The following STYXL2 variants were observed in gnomAD, a reference collection of about 807,000 sequenced individuals.
The protein encoded by STYXL2 is serine/threonine/tyrosine-interacting-like protein 2.
Under a neutral mutation model 52.4 loss-of-function variants are expected in STYXL2, and 44 were observed. The ratio of observed to expected loss-of-function variants is 0.84; its 90% CI spans 0.66 to 1.08. The LOEUF (loss-of-function observed/expected upper bound fraction) is 1.08, where lower values mean the gene tolerates loss of function less well. Among genes scored for constraint, STYXL2 ranks in the 50% least tolerant of loss-of-function variants. The pLI is 0.00. For synonymous variants in STYXL2, 604 were observed against 586.9 expected (o/e 1.03, Z -0.42); for missense variants, 1,604 against 1,471.7 (o/e 1.09, Z -1.47).
rs199963325 is a variant in STYXL2, at chr1:167,126,092, G to T, written c.961G>T (p.Ala321Ser). The change falls in exon 6 of 6, where the codon GCC becomes TCC. Residue 321 changes from alanine (A) to serine (S), a missense_variant. Coordinates refer to ENST00000361200, the MANE Select transcript of STYXL2 (RefSeq NM_001080426.3). ...ALTVEEEDDS[A>S]SHLSGSSLGK... ...GACGGTGGAAGAGGAGGACGACAGC[G>T]CCAGCCACCTGAGTGGCTCCTCCCT... is the stretch of plus-strand genomic sequence containing the variant. 6.6e-7 allele frequency: 1 copy of T among 1,525,820 alleles called. No individual in the cohort carries two copies. The highest frequency in any genetic ancestry group is 8.8e-7 in the Non-Finnish European group (1 of 1,138,570). The allele number at this position is 1,525,820 out of a possible 1,614,324, so 94.5% of individuals were successfully genotyped here.
chr1:167,121,299 C>T (rs1035973158), intron 5 of STYXL2, among the ~76,000 whole-genome samples: 2 of 152,200 alleles, frequency 1.3e-5, no homozygotes, highest in African/African-American at 2.4e-5. Flanking sequence ...AATAAGCCAC[C>T]GCGACCGGCC....
chr1:167,127,301 C>T lies in STYXL2; in HGVS notation c.2170C>T (p.Gln724Ter). 1.2e-6 allele frequency: 2 copies of T among 1,614,188 alleles called. No individual in the cohort carries two copies. Among genetic ancestry groups the T allele is most frequent in the Non-Finnish European group, 1.7e-6 (2 of 1,180,038 alleles). The change falls in exon 6 of 6, where the codon CAG (glutamine) becomes TAG (stop). Residue 724 changes from glutamine (Q) to a stop codon, truncating the protein, a stop_gained. Coordinates refer to ENST00000361200, the MANE Select transcript of STYXL2 (RefSeq NM_001080426.3). LOFTEE classifies it low-confidence loss of function (END_TRUNC). ...PGDTISIASI[Q>*]NWIANVVSET... ...AGACACCATTTCCATTGCCAGTATC[C>T]AGAACTGGATTGCCAATGTAGTCAG...
At chr1:167,124,766 T>C (rs1242365554) in intron 5 of STYXL2, among the ~76,000 whole-genome samples, 1 of 152,230 alleles carries the variant, frequency 6.6e-6, no homozygotes, top group East Asian at 1.9e-4. Flanking sequence ...CAGGTTTCAG[T>C]TGACGGATGT....
chr1:167,125,640 G>T, intron 5 of STYXL2, 147 bp from the exon 6 acceptor site: 3 of 1,242,794 alleles, frequency 2.4e-6, no homozygotes, highest in Non-Finnish European at 3.2e-6. Context: ...GCCCTCCTGT[G>T]TCTTGAGCCC....
At position 167,126,046 on chromosome 1, in the gene STYXL2, C is replaced by T. The variant is rs775650977; in HGVS notation, c.915C>T (p.Leu305=). The change falls in exon 6 of 6, where the codon CTC becomes CTT. Residue 305 remains leucine, a synonymous_variant. Transcript: ENST00000361200. The stretch of plus-strand genomic sequence containing the variant: ...AGGGCGAGGGCACTGGGAGCATGCT[C>T]GGGGCCAGAGTGCACGCCCTGACGG... ...AEEGEGTGSM[L]GARVHALTVE... 4 of 1,582,692 alleles carry T rather than the reference C, an allele frequency of 2.5e-6. No homozygotes were observed. Among genetic ancestry groups the T allele is most frequent in the African/African-American group, 1.4e-5 (1 of 74,030 alleles).
At chr1:167,119,884 C>T (rs1667814308) in intron 5 of STYXL2, among the ~76,000 whole-genome samples, 2 of 152,146 alleles carry the variant, frequency 1.3e-5, no homozygotes, top group South Asian at 4.1e-4. Flanking sequence ...AGCCAAGTGA[C>T]AAAGGGCTAG....
At position 167,116,652 on chromosome 1, in the gene STYXL2, T is replaced by G. The variant is rs1185606526; in HGVS notation, c.206-676T>G. On this transcript the variant is annotated intron_variant, in intron 3 of 5. Coordinates refer to ENST00000361200, the MANE Select transcript of STYXL2 (RefSeq NM_001080426.3). Reference sequence around the variant, plus strand: ...AATACTTCTACTTTTTTTTTTTTGGTTTTTTTTTTTTTTTTTGAGACAGAG... The same window carrying G: ...AATACTTCTACTTTTTTTTTTTTGGGTTTTTTTTTTTTTTTTGAGACAGAG... Among the ~76,000 whole-genome samples, 32 of 29,412 alleles carry G rather than the reference T, an allele frequency of 1.1e-3. No homozygotes were observed. In the African/African-American group the frequency reaches 0.012, roughly 11 times the overall value. The allele number at this position is 29,412 out of a possible 152,430, so 19.3% of individuals were successfully genotyped here. A position where few individuals can be genotyped will look rare whatever the true frequency, so the allele number is the denominator to read the frequency against.
In STYXL2 at chr1:167,126,512, G is replaced by T. The variant is rs761906549; in HGVS notation, c.1381G>T (p.Asp461Tyr). The change falls in exon 6 of 6, where the codon GAC becomes TAC. Residue 461 changes from aspartate to tyrosine, a missense_variant. Coordinates refer to ENST00000361200, the MANE Select transcript of STYXL2 (RefSeq NM_001080426.3). Reference protein sequence around the residue: ...LKQQLELNRPDHGRRRRADSM... With the variant: ...LKQQLELNRPYHGRRRRADSM... The stretch of plus-strand genomic sequence containing the variant: ...GCAGCAGCTGGAGCTGAACCGCCCG[G>T]ACCACGGCAGGAGGCGCCGCGCAGA... 31 of 1,612,514 alleles carry T rather than the reference G, an allele frequency of 1.9e-5. No individual in the cohort carries two copies. Among genetic ancestry groups the T allele is most frequent in the Non-Finnish European group, 2.2e-5 (26 of 1,179,510 alleles).
intron 2 of STYXL2, among the ~76,000 whole-genome samples, chr1:167,095,415 T>G (rs1417654059): frequency 1.3e-5 from 2 of 151,868 alleles, no homozygotes; most frequent in African/African-American, 4.8e-5. Context: ...TAAAATAATT[T>G]TTTATCCATA....
intron 2 of STYXL2, among the ~76,000 whole-genome samples, chr1:167,103,847 C>T (rs143684532): frequency 1.3e-5 from 2 of 152,284 alleles, no homozygotes; most frequent in East Asian, 1.9e-4. Flanking sequence ...CACAGCCGGG[C>T]GCGGTGGCTC....
At position 167,126,975 on chromosome 1, in the gene STYXL2, A is replaced by G. The variant is rs1333562761; in HGVS notation, c.1844A>G (p.Glu615Gly). ...GAGGTGGTGGAGCTCAGCAAGGGGG[A>G]GGACTCGGCCTTGGCTAAGAAGAGA... ...KEEVVELSKG[E>G]DSALAKKRQR... The change falls in exon 6 of 6, where the codon GAG (glutamate) becomes GGG (glycine). Residue 615 changes from glutamate (E) to glycine (G), a missense_variant. Physicochemically the swap from Glu to Gly is moderately conservative, Grantham distance 98. Transcript: ENST00000361200. 8.7e-6 allele frequency: 14 copies of G among 1,609,374 alleles called. No homozygotes were observed. The highest frequency in any genetic ancestry group is 1.2e-5 in the Non-Finnish European group (14 of 1,177,646).
At position 167,127,515 on chromosome 1, in the gene STYXL2, T is replaced by C. The variant is rs145656152; in HGVS notation, c.2384T>C (p.Met795Thr). The change falls in exon 6 of 6, where the codon ATG becomes ACG. Residue 795 changes from methionine (M) to threonine (T), a missense_variant. By Grantham distance (81) the Met-to-Thr change is moderately conservative. Transcript: ENST00000361200. ...PQSQARPSSDMQSVLSCNTTL... is the reference protein window; with the variant it reads ...PQSQARPSSDTQSVLSCNTTL... The stretch of plus-strand genomic sequence containing the variant: ...AGCCAGGCAAGACCCAGCTCTGACA[T>C]GCAGTCTGTGCTGTCCTGCAACACC... 495 of 1,614,084 alleles carry C rather than the reference T, an allele frequency of 3.1e-4. No individual in the cohort carries two copies. The highest frequency in any genetic ancestry group is 3.8e-4 in the Non-Finnish European group (449 of 1,180,002).
rs900072797 is a variant in STYXL2, at chr1:167,128,995, T to G, written c.*387T>G. ...AAAGGCCATGAACATAGGACACGCT[T>G]CTGTCTGTAGAGGCTTCATATGAGA... On this transcript the variant is annotated 3_prime_UTR_variant, in exon 6 of 6. Coordinates refer to ENST00000361200, the MANE Select transcript of STYXL2 (RefSeq NM_001080426.3). The G allele has an allele frequency of 1.1e-5, 2 of 183,058 alleles. No individual in the cohort carries two copies. Among genetic ancestry groups the G allele is most frequent in the Non-Finnish European group, 2.3e-5 (2 of 86,912 alleles). The allele number at this position is 183,058 out of a possible 1,614,324, so 11.3% of individuals were successfully genotyped here.
chr1:167,121,017 C>CCT (rs1553248600), intron 5 of STYXL2, among the ~76,000 whole-genome samples: 1 of 141,078 alleles, frequency 7.1e-6, no homozygotes, highest in Non-Finnish European at 1.5e-5. Context: ...TTAAAAACTC[C>CCT]TTTTTTTTTT....
At position 167,126,379 on chromosome 1, in the gene STYXL2, G is replaced by A. The variant is rs1196552495; in HGVS notation, c.1248G>A (p.Glu416=). 1 of 1,550,866 alleles carries A rather than the reference G, an allele frequency of 6.4e-7. No homozygotes were observed. Among genetic ancestry groups the A allele is most frequent in the Non-Finnish European group, 8.7e-7 (1 of 1,147,052 alleles). Residue 416 remains glutamate, a synonymous_variant, in exon 6 of 6, where the codon GAG becomes GAA. Coordinates refer to ENST00000361200, the MANE Select transcript of STYXL2 (RefSeq NM_001080426.3). ...ACCGGAGGTGGGGAAGGGAGGAGGA[G>A]AAGGAGGAGGAGAGCGACGCTGGCT... is the stretch of plus-strand genomic sequence containing the variant. ...EGYRRWGREE[E]KEEESDAGSS... is the part of the protein sequence containing the mutation.
At chr1:167,111,369 C>T (rs954609850) in intron 2 of STYXL2, among the ~76,000 whole-genome samples, 29 of 151,076 alleles carry the variant, frequency 1.9e-4, no homozygotes, top group African/African-American at 5.1e-4. Context: ...GTGAAAAATA[C>T]TTGCACGCAT....
intron 2 of STYXL2, among the ~76,000 whole-genome samples, chr1:167,100,857 G>C (rs1320468726): frequency 6.6e-6 from 1 of 152,144 alleles, no homozygotes; most frequent in Admixed American, 6.5e-5. Context: ...GCAAACATGT[G>C]GTGGCACTTC....
chr1:167,095,821 C>T (rs1667275022), intron 2 of STYXL2, among the ~76,000 whole-genome samples: 1 of 152,132 alleles, frequency 6.6e-6, no homozygotes, highest in Admixed American at 6.6e-5. Context: ...TTAACTTCCC[C>T]TCTAAGAATT....
In STYXL2 at chr1:167,125,868, TGGCCATCCTGGA is replaced by T; in HGVS notation, c.741_752del (p.Ile248_Ala251del). The T allele has an allele frequency of 6.2e-7, 1 of 1,614,034 alleles. No individual in the cohort carries two copies. Reference sequence around the variant, plus strand: ...GCCTACCTGATGATCTTCCACAACATGGCCATCCTGGAGGCTTTGATGACCGTGCGTAAGAAG... The same window carrying T: ...GCCTACCTGATGATCTTCCACAACATGGCTTTGATGACCGTGCGTAAGAAG... On this transcript the variant is annotated inframe_deletion, in exon 6 of 6. Transcript: ENST00000361200.
Sources: gnomAD v4.1 joint callset for allele counts (sites outside exome capture counted in the v4.1 genomes callset) on GRCh38, gnomAD v4.1.1 for gene constraint, MANE v1.5 for transcripts, NCBI Gene and HGNC (gene_info 2026-07-23, HGNC 2026-07-21) for gene names.